KDM7A: variants seen among roughly 807,000 people sequenced by gnomAD.
The protein encoded by KDM7A is lysine-specific demethylase 7A.
Under a neutral mutation model 114.8 loss-of-function variants are expected in KDM7A, and 28 were observed. The observed-to-expected ratio is 0.24, with a 90% CI of 0.18 to 0.33. The LOEUF (loss-of-function observed/expected upper bound fraction) is 0.33. Ranked by LOEUF, KDM7A falls within the 10% of genes least tolerant of loss-of-function variation. The pLI, the probability that KDM7A is intolerant of heterozygous loss-of-function variation, is 1.00. For missense variants in KDM7A, 942 were observed against 1,142.5 expected, an observed-to-expected ratio of 0.82 and a Z score of 2.53; for synonymous variants, 423 against 397.8, an observed-to-expected ratio of 1.06 and a Z score of -0.75.
At position 140,108,572 on chromosome 7, in the gene KDM7A, C is replaced by T. The variant is rs539563113; in HGVS notation, c.1428+2523G>A. Among the ~76,000 whole-genome samples, 8 of 152,282 alleles carry T rather than the reference C, an allele frequency of 5.3e-5. No homozygotes were observed. The South Asian group carries it at 1.5e-3, about 28-fold the overall frequency. ...TCCAGACCGTTTGCCTGGGTATCAC[C>T]AGCGGAGGCTGCAAATATTGCAGAA... is the stretch of plus-strand genomic sequence containing the variant. On this transcript the variant is annotated intron_variant, in intron 11 of 19. Transcript: ENST00000397560.
Position 140,133,593 on chromosome 7 carries a change from A to G in KDM7A, c.344T>C (p.Val115Ala). 1 of 1,612,966 alleles carries G rather than the reference A, an allele frequency of 6.2e-7. No homozygotes were observed. Among genetic ancestry groups the G allele is most frequent in the Non-Finnish European group, 8.5e-7 (1 of 1,179,100 alleles). ...YTEIDDGSKP[V>A]QAGTRTFIKE... ...AATGAAAGTTCTAGTTCCAGCTTGCACTGGTTTGGAACCATCATCAATTTC... is the reference window on the plus strand; with the variant it reads ...AATGAAAGTTCTAGTTCCAGCTTGCGCTGGTTTGGAACCATCATCAATTTC... Residue 115 changes from valine to alanine, a missense_variant, in exon 3 of 20, where the codon GTG becomes GCG. This residue lies in a region of KDM7A where 318 missense variants were observed against 453.1 expected (regional missense o/e 0.70). Transcript: ENST00000397560.
intron 11 of KDM7A, among the ~76,000 whole-genome samples, chr7:140,110,040 C>T (rs1818406717): frequency 6.6e-6 from 1 of 152,108 alleles, no homozygotes; most frequent in African/African-American, 2.4e-5. Flanking sequence ...TCTTCTGATC[C>T]ATCCTGAACT....
chr7:140,123,292 A>T (rs1818644561), intron 7 of KDM7A, among the ~76,000 whole-genome samples: 1 of 152,172 alleles, frequency 6.6e-6, no homozygotes, highest in East Asian at 1.9e-4. Flanking sequence ...CAAGAAGTTA[A>T]ACGTAGTTAA....
chr7:140,173,862 C>G (rs2116864874), intron 1 of KDM7A, among the ~76,000 whole-genome samples: 1 of 152,200 alleles, frequency 6.6e-6, no homozygotes, highest in Middle Eastern at 3.4e-3. Flanking sequence ...ATTACCAATA[C>G]TTAAGAATTA....
chr7:140,130,024 T>C (rs1387044897), intron 3 of KDM7A, among the ~76,000 whole-genome samples: 1 of 152,194 alleles, frequency 6.6e-6, no homozygotes, highest in Non-Finnish European at 1.5e-5. Flanking sequence ...AAGAGCTCAC[T>C]GGAGCATTTC....
At chr7:140,171,475 T>C (rs1032777984) in intron 1 of KDM7A, among the ~76,000 whole-genome samples, 5 of 146,166 alleles carry the variant, frequency 3.4e-5, no homozygotes, top group Non-Finnish European at 7.5e-5. Flanking sequence ...CTCAAAAATA[T>C]ATATTTATAT....
rs552392025 is a variant in KDM7A at position 140,176,275 on chromosome 7, G to A, written c.194+469C>T. On this transcript the variant is annotated intron_variant, in intron 1 of 19. Transcript: ENST00000397560. This position sits in a 1 kb window ranked among gnomAD's most constrained non-coding sequence, Gnocchi z 4.4. ...GGCCGGGGCGACCCCATCGCCGCCC[G>A]GAAGGAAGGCAGGCGCGTCGGCCGG... 2.0e-5 allele frequency among the ~76,000 whole-genome samples: 3 copies of A among 149,918 alleles called. No homozygotes were observed. Among genetic ancestry groups the A allele is most frequent in the Non-Finnish European group, 3.0e-5 (2 of 67,492 alleles).
Position 140,145,001 on chromosome 7 carries a change from C to G in KDM7A, c.195-5811G>C, listed in dbSNP as rs1794325134. On this transcript the variant is annotated intron_variant, in intron 1 of 19. Transcript: ENST00000397560. ...TCACCAGGAGCAGATGCTGGCACCA[C>G]GCTTCCTGTACAGCCATAGAACCAT... 2.6e-5 allele frequency among the ~76,000 whole-genome samples: 4 copies of G among 152,304 alleles called. No homozygotes were observed. The South Asian group carries it at 8.3e-4, about 32-fold the overall frequency.
intron 1 of KDM7A, among the ~76,000 whole-genome samples, chr7:140,167,829 A>C (rs13242347): frequency 0.073 from 11,135 of 152,186 alleles, 485 homozygotes; most frequent in Non-Finnish European, 0.11. Flanking sequence ...AACAAAACCA[A>C]AAGACAACTG....
At chr7:140,161,627 A>G (rs575010523) in intron 1 of KDM7A, among the ~76,000 whole-genome samples, 3 of 150,898 alleles carry the variant, frequency 2.0e-5, no homozygotes, top group Non-Finnish European at 4.4e-5. Context: ...GGCTCACTGC[A>G]ACCTCTGCCT....
chr7:140,118,981 C>T (rs1818575742), intron 9 of KDM7A, 132 bp downstream of exon 9: 6 of 544,618 alleles, frequency 1.1e-5, no homozygotes, highest in Admixed American at 1.1e-4. Context: ...GGGAAAACCA[C>T]TTATTTAAAA....
At chr7:140,115,237 G>A (rs998897452) in intron 9 of KDM7A, among the ~76,000 whole-genome samples, 2 of 151,164 alleles carry the variant, frequency 1.3e-5, no homozygotes, top group Admixed American at 6.6e-5. Context: ...CTGCCCGGCC[G>A]CCCCTTCTGG....
intron 6 of KDM7A, among the ~76,000 whole-genome samples, chr7:140,125,261 T>C (rs1390839701): frequency 6.6e-6 from 1 of 152,190 alleles, no homozygotes. Flanking sequence ...GCAACAAATA[T>C]AGCCCAGAAC....
chr7:140,169,238 G>A (rs1228710670), intron 1 of KDM7A, among the ~76,000 whole-genome samples: 1 of 152,170 alleles, frequency 6.6e-6, no homozygotes, highest in African/African-American at 2.4e-5. Context: ...GTAATAAAAT[G>A]TAATTTTCAA....
At position 140,148,085 on chromosome 7, in the gene KDM7A, C is replaced by T. The variant is rs1794358822; in HGVS notation, c.195-8895G>A. On this transcript the variant is annotated intron_variant, in intron 1 of 19. Coordinates refer to ENST00000397560, the MANE Select transcript of KDM7A (RefSeq NM_030647.2). ...ACCAGGTTCCAGTCAGCCAACACTG[C>T]CCTAATCAACAGCGTATTAGCTACG... is the stretch of plus-strand genomic sequence containing the variant. Among the ~76,000 whole-genome samples, 3 of 152,102 alleles carry T rather than the reference C, an allele frequency of 2.0e-5. No individual in the cohort carries two copies. In the South Asian group the frequency reaches 6.2e-4, roughly 31 times the overall value.
intron 12 of KDM7A, among the ~76,000 whole-genome samples, chr7:140,100,660 T>TTATATATATATATATATACA (rs1818185318): frequency 4.5e-5 from 5 of 111,284 alleles, no homozygotes; most frequent in Admixed American, 1.8e-4. Context: ...TTTTAAAAAG[T>TTATATATATATATATATACA]TATATATATA....
At chr7:140,132,519 G>A (rs1004393248) in intron 3 of KDM7A, among the ~76,000 whole-genome samples, 12 of 152,230 alleles carry the variant, frequency 7.9e-5, no homozygotes, top group Non-Finnish European at 1.6e-4. Flanking sequence ...GAAGCAGACT[G>A]AAAACTTTGG....
At chr7:140,131,763 CCTTTTGAT>C (rs1818790439) in intron 3 of KDM7A, among the ~76,000 whole-genome samples, 1 of 152,102 alleles carries the variant, frequency 6.6e-6, no homozygotes. Flanking sequence ...TTTTATTTCC[CCTTTTGAT>C]CAAACATACA....
chr7:140,120,921 A>T (rs953965277), intron 7 of KDM7A, among the ~76,000 whole-genome samples: 1 of 152,152 alleles, frequency 6.6e-6, no homozygotes, highest in East Asian at 1.9e-4. Flanking sequence ...TTTGTTTTTT[A>T]GCTTAAAAAC....
Sources: allele counts gnomAD v4.1 joint callset (sites outside exome capture counted in the v4.1 genomes callset), GRCh38; gene constraint gnomAD v4.1.1; regional missense constraint gnomAD v4.1.1; non-coding constraint Gnocchi (gnomAD v3.1); transcripts MANE v1.5; gene names NCBI Gene and HGNC (gene_info 2026-07-23, HGNC 2026-07-21).